ARHGAP10: variants seen among roughly 807,000 people sequenced by gnomAD.
ARHGAP10 encodes the protein rho GTPase-activating protein 10.
ARHGAP10 carries 87 observed loss-of-function variants against 108.6 expected under a neutral mutation model. That is an observed-to-expected ratio of 0.80 (90% CI 0.67 to 0.96). The LOEUF is 0.96. Among genes scored for constraint, ARHGAP10 ranks in the 40% least tolerant of loss-of-function variants. ARHGAP10 has a pLI of 0.00. For synonymous variants in ARHGAP10, 347 were observed against 341.1 expected (o/e 1.02, Z -0.19); for missense variants, 939 against 954.5 (o/e 0.98, Z 0.21).
chr4:147,837,302 G>A (rs992552179), intron 3 of ARHGAP10, among the ~76,000 whole-genome samples: 3 of 152,136 alleles, frequency 2.0e-5, no homozygotes, highest in Non-Finnish European at 4.4e-5. Context: ...AAAAGAATAC[G>A]AAAGCATTTT....
At chr4:147,874,071 A>G (rs544218115) in intron 7 of ARHGAP10, among the ~76,000 whole-genome samples, 176 of 152,086 alleles carry the variant, frequency 1.2e-3, no homozygotes, top group African/African-American at 4.1e-3. Flanking sequence ...CCCTTTTACA[A>G]TCTACATTTA....
intron 18 of ARHGAP10, among the ~76,000 whole-genome samples, chr4:147,993,316 G>A (rs1459837931): frequency 3.3e-5 from 5 of 152,216 alleles, no homozygotes; most frequent in Admixed American, 6.5e-5. Context: ...GATGAACTAA[G>A]ATTGGTCATG....
intron 1 of ARHGAP10, among the ~76,000 whole-genome samples, chr4:147,793,396 G>T (rs2126749753): frequency 6.6e-6 from 1 of 151,460 alleles, no homozygotes; most frequent in Non-Finnish European, 1.5e-5. Flanking sequence ...AGTGAAGAAA[G>T]AACAGAATTT....
intron 18 of ARHGAP10, among the ~76,000 whole-genome samples, chr4:147,985,204 G>A (rs1578760253): frequency 6.6e-6 from 1 of 152,112 alleles, no homozygotes; most frequent in African/African-American, 2.4e-5. Context: ...ATCCAGGCAA[G>A]TGGGTGCTCT....
At chr4:147,956,096 A>G (rs1272881256) in intron 16 of ARHGAP10, among the ~76,000 whole-genome samples, 1 of 152,160 alleles carries the variant, frequency 6.6e-6, no homozygotes, top group Non-Finnish European at 1.5e-5. Flanking sequence ...AGACATGTTA[A>G]GTAACTTGCC....
chr4:147,812,810 C>T (rs940336112), intron 1 of ARHGAP10, among the ~76,000 whole-genome samples: 5 of 152,144 alleles, frequency 3.3e-5, no homozygotes, highest in African/African-American at 1.2e-4. Flanking sequence ...TGTGATCTGA[C>T]TTCTGTGCCC....
chr4:147,872,436 A>G (rs1452020712), intron 7 of ARHGAP10, among the ~76,000 whole-genome samples: 1 of 152,322 alleles, frequency 6.6e-6, no homozygotes, highest in Admixed American at 6.5e-5. Flanking sequence ...GTTTTCAAAT[A>G]TATAGGTAGA....
At chr4:148,008,210 G>C (rs1741024806) in intron 18 of ARHGAP10, among the ~76,000 whole-genome samples, 1 of 152,080 alleles carries the variant, frequency 6.6e-6, no homozygotes, top group African/African-American at 2.4e-5. Context: ...GTTGAATCTA[G>C]TATTACTGGT....
chr4:147,878,794 T>C (rs953531732), intron 8 of ARHGAP10, among the ~76,000 whole-genome samples: 4 of 149,320 alleles, frequency 2.7e-5, no homozygotes, highest in Non-Finnish European at 4.4e-5. Flanking sequence ...TTTTTTTTTT[T>C]GAGTCGGAGT....
chr4:147,779,778 T>C (rs1730455306), intron 1 of ARHGAP10, among the ~76,000 whole-genome samples: 2 of 152,186 alleles, frequency 1.3e-5, no homozygotes, highest in Non-Finnish European at 2.9e-5. Context: ...GTACCATGCC[T>C]TTTGTTTTGT....
At chr4:147,931,105 G>A (rs1458750227) in intron 13 of ARHGAP10, among the ~76,000 whole-genome samples, 2 of 152,152 alleles carry the variant, frequency 1.3e-5, no homozygotes, top group African/African-American at 4.8e-5. Context: ...CTCTCCTCTA[G>A]GAAGATGTGG....
At chr4:148,013,679 C>G (rs1384545841) in intron 18 of ARHGAP10, among the ~76,000 whole-genome samples, 1 of 151,992 alleles carries the variant, frequency 6.6e-6, no homozygotes, top group Non-Finnish European at 1.5e-5. Context: ...CAGAGCGAGA[C>G]TCCATCTCAA....
intron 1 of ARHGAP10, among the ~76,000 whole-genome samples, chr4:147,816,100 G>T (rs908079787): frequency 1.6e-4 from 25 of 152,292 alleles, no homozygotes; most frequent in Non-Finnish European, 3.2e-4. Flanking sequence ...GTTGGAAAAT[G>T]AGTGGGCTAG....
At chr4:147,814,750 CT>C (rs1453971949) in intron 1 of ARHGAP10, among the ~76,000 whole-genome samples, 1 of 152,200 alleles carries the variant, frequency 6.6e-6, no homozygotes, top group Non-Finnish European at 1.5e-5. Context: ...TATATTGTTT[CT>C]CTTGTGTCCT....
At chr4:147,928,179 A>G (rs1303670309) in intron 13 of ARHGAP10, among the ~76,000 whole-genome samples, 1 of 152,222 alleles carries the variant, frequency 6.6e-6, no homozygotes, top group Non-Finnish European at 1.5e-5. Context: ...GAGACTTAGC[A>G]TCAAGTCTTA....
At chr4:147,949,674 A>G (rs1379628591) in intron 15 of ARHGAP10, among the ~76,000 whole-genome samples, 2 of 152,136 alleles carry the variant, frequency 1.3e-5, no homozygotes, top group African/African-American at 2.4e-5. Context: ...TGAATTGCAC[A>G]TATTAACTTG....
intron 1 of ARHGAP10, among the ~76,000 whole-genome samples, chr4:147,775,259 C>G (rs1730239320): frequency 6.6e-6 from 1 of 152,140 alleles, no homozygotes; most frequent in African/African-American, 2.4e-5. Context: ...GAGTCCAGGC[C>G]TAAAGCTTGC....
intron 1 of ARHGAP10, among the ~76,000 whole-genome samples, chr4:147,769,059 A>T (rs1011149887): frequency 1.4e-4 from 21 of 152,074 alleles, no homozygotes; most frequent in African/African-American, 5.1e-4. Flanking sequence ...TATGAAAATT[A>T]AAAAAACATA....
chr4:147,961,510 A>G (rs886149917), intron 16 of ARHGAP10, among the ~76,000 whole-genome samples: 2 of 152,142 alleles, frequency 1.3e-5, no homozygotes, highest in Non-Finnish European at 2.9e-5. Flanking sequence ...GTGTTGTCCA[A>G]GATTTTAGTA....
Sources: gnomAD v4.1 joint callset for allele counts (sites outside exome capture counted in the v4.1 genomes callset) on GRCh38, gnomAD v4.1.1 for gene constraint, MANE v1.5 for transcripts, NCBI Gene and HGNC (gene_info 2026-07-23, HGNC 2026-07-21) for gene names.